The following SEMA3D variants were observed in gnomAD, a reference collection of about 807,000 sequenced individuals.
SEMA3D encodes semaphorin 3D, also known as semaphorin-3D.
A neutral mutation model predicts 100.1 loss-of-function variants in SEMA3D; 84 were observed. The ratio of observed to expected loss-of-function variants is 0.84; its 90% CI spans 0.70 to 1.01. The LOEUF (loss-of-function observed/expected upper bound fraction) is 1.01. Ranked by LOEUF, SEMA3D falls within the 50% of genes least tolerant of loss-of-function variation. The pLI, the probability that SEMA3D is intolerant of heterozygous loss-of-function variation, is 0.00. For missense variants in SEMA3D, 875 were observed against 934.1 expected, an observed-to-expected ratio of 0.94 and a Z score of 0.82; for synonymous variants, 312 against 320.7, an observed-to-expected ratio of 0.97 and a Z score of 0.29.
intron 12 of SEMA3D, among the ~76,000 whole-genome samples, chr7:85,034,655 G>A (rs1469305228): frequency 7.2e-5 from 11 of 151,806 alleles, no homozygotes; most frequent in Non-Finnish European, 1.3e-4. Context: ...AATGGGCTAA[G>A]TACTTCAATA....
At chr7:85,052,073 A>G (rs187002632) in intron 9 of SEMA3D, among the ~76,000 whole-genome samples, 20 of 152,078 alleles carry the variant, frequency 1.3e-4, no homozygotes, top group Admixed American at 9.8e-4. Context: ...GAGCAGTAAT[A>G]AAGTGAGGAC....
intron 12 of SEMA3D, among the ~76,000 whole-genome samples, chr7:85,035,397 C>T (rs1252484582): frequency 6.6e-6 from 1 of 151,600 alleles, no homozygotes; most frequent in African/African-American, 2.4e-5. Flanking sequence ...CTGCATTCAT[C>T]CTTGAAAAAC....
intron 2 of SEMA3D, among the ~76,000 whole-genome samples, chr7:85,152,614 C>T (rs1231426763): frequency 1.3e-5 from 2 of 151,946 alleles, no homozygotes; most frequent in Admixed American, 6.6e-5. Flanking sequence ...ATAGTAATAA[C>T]TAAAAATAAT....
At chr7:85,155,029 C>T (rs543497239) in intron 1 of SEMA3D, among the ~76,000 whole-genome samples, 4 of 152,176 alleles carry the variant, frequency 2.6e-5, no homozygotes, top group Middle Eastern at 3.4e-3. Context: ...ATAATGTAAT[C>T]ATCTTGCATT....
chr7:85,034,157 T>C (rs1429571355), intron 12 of SEMA3D, among the ~76,000 whole-genome samples: 1 of 152,138 alleles, frequency 6.6e-6, no homozygotes, highest in Admixed American at 6.6e-5. Flanking sequence ...ATGTGTTTCA[T>C]GGGATTATGA....
chr7:85,245,702 A>AT, the SEMA3D span, among the ~76,000 whole-genome samples: 4 of 151,928 alleles, frequency 2.6e-5, no homozygotes, highest in Admixed American at 2.0e-4. Context: ...TTCACATAGC[A>AT]TTTTTTTTCT....
chr7:85,162,695 C>T (rs1198931658), intron 1 of SEMA3D, among the ~76,000 whole-genome samples: 1 of 151,972 alleles, frequency 6.6e-6, no homozygotes, highest in East Asian at 1.9e-4. Flanking sequence ...GTGAGGAAAA[C>T]CTGAGGAAGA....
intron 2 of SEMA3D, among the ~76,000 whole-genome samples, chr7:85,125,900 TA>T (rs1789554550): frequency 6.6e-6 from 1 of 151,932 alleles, no homozygotes; most frequent in Non-Finnish European, 1.5e-5. Context: ...GTGAAATGCA[TA>T]GGTTATACTG....
chr7:85,130,065 C>G (rs1368265610), intron 2 of SEMA3D, among the ~76,000 whole-genome samples: 1 of 151,860 alleles, frequency 6.6e-6, no homozygotes, highest in Non-Finnish European at 1.5e-5. Flanking sequence ...AAGTAAACAC[C>G]CTAGGGAAAT....
the SEMA3D span, among the ~76,000 whole-genome samples, chr7:85,245,842 C>T: frequency 6.6e-6 from 1 of 152,048 alleles, no homozygotes; most frequent in Admixed American, 6.5e-5. Context: ...AGTAACAAAA[C>T]ATGTATTACT....
intron 1 of SEMA3D, among the ~76,000 whole-genome samples, chr7:85,173,329 CA>C (rs1791137016): frequency 6.6e-6 from 1 of 152,042 alleles, no homozygotes; most frequent in South Asian, 2.1e-4. Context: ...ACTTGCTGAT[CA>C]GCTTCTATAA....
chr7:85,086,034 G>A (rs1484907466), intron 4 of SEMA3D, among the ~76,000 whole-genome samples: 1 of 152,074 alleles, frequency 6.6e-6, no homozygotes, highest in Non-Finnish European at 1.5e-5. Context: ...CAGGGATTAT[G>A]AGCTAGGATC....
intron 3 of SEMA3D, among the ~76,000 whole-genome samples, chr7:85,099,268 G>T (rs1788670614): frequency 6.6e-6 from 1 of 151,846 alleles, no homozygotes; most frequent in African/African-American, 2.4e-5. Context: ...GAATCATGGG[G>T]GTGGTTTCCC....
chr7:84,999,284 T>G lies in SEMA3D; in HGVS notation c.*156A>C. ...CTGGTTCAAATGAATTTTTTGCCCT[T>G]TCTTATATTCATCACATATTGTCTT... On this transcript the variant is annotated 3_prime_UTR_variant, in exon 19 of 19. Coordinates refer to ENST00000284136, the MANE Select transcript of SEMA3D (RefSeq NM_001384900.1). 1.6e-6 allele frequency: 1 copy of G among 644,020 alleles called. No homozygotes were observed. Among genetic ancestry groups the G allele is most frequent in the Non-Finnish European group, 2.6e-6 (1 of 386,114 alleles). 39.9% of individuals were successfully genotyped at this position (644,020 alleles called of 1,614,324 possible).
chr7:85,115,231 G>A (rs1207767020), intron 3 of SEMA3D, among the ~76,000 whole-genome samples: 1 of 152,174 alleles, frequency 6.6e-6, no homozygotes, highest in Non-Finnish European at 1.5e-5. Flanking sequence ...GCTGTAAGTA[G>A]ACTGGGGTTG....
intron 10 of SEMA3D, 87 bp from the exon 11 acceptor site, chr7:85,040,829 T>C: frequency 1.5e-6 from 1 of 679,748 alleles, no homozygotes; most frequent in African/African-American, 1.8e-5. Context: ...ACTCTGAAAA[T>C]CTAAACAGTT....
rs1791820663 is a variant in SEMA3D at position 85,073,064 on chromosome 7, G to T, written c.393C>A (p.Phe131Leu). The change falls in exon 6 of 19, where the codon TTC becomes TTA. Residue 131 changes from phenylalanine (F) to leucine (L), a missense_variant. Phe to Leu is a conservative substitution (Grantham distance 22). Coordinates refer to ENST00000284136, the MANE Select transcript of SEMA3D (RefSeq NM_001384900.1). ...TGTTATAGGGCTGAAGTACTCTGATGAAATTTGCACATTCTGTCTGTTGGG... is the reference window on the plus strand; with the variant it reads ...TGTTATAGGGCTGAAGTACTCTGATTAAATTTGCACATTCTGTCTGTTGGG... The part of the protein sequence containing the change: ...GKDANTECAN[F>L]IRVLQPYNKT... 1 of 1,612,436 alleles carries T rather than the reference G, an allele frequency of 6.2e-7. No homozygotes were observed. The highest frequency in any genetic ancestry group is 1.3e-5 in the African/African-American group (1 of 74,834).
intron 1 of SEMA3D, among the ~76,000 whole-genome samples, chr7:85,166,450 T>C (rs1302092652): frequency 6.6e-6 from 1 of 151,868 alleles, no homozygotes; most frequent in East Asian, 1.9e-4. Flanking sequence ...GCTGAAGTGA[T>C]TGGAAAAAAA....
intron 3 of SEMA3D, among the ~76,000 whole-genome samples, chr7:85,106,268 CAAAG>C (rs1788916619): frequency 6.6e-6 from 1 of 151,982 alleles, no homozygotes; most frequent in Admixed American, 6.6e-5. Flanking sequence ...CTTCAAGTTA[CAAAG>C]AATGTTTAAA....
Sources: allele counts gnomAD v4.1 joint callset (sites outside exome capture counted in the v4.1 genomes callset), GRCh38; gene constraint gnomAD v4.1.1; transcripts MANE v1.5; gene names NCBI Gene and HGNC (gene_info 2026-07-23, HGNC 2026-07-21).